The following SPRYD3 variants were observed in gnomAD, a reference collection of about 807,000 sequenced individuals.
The protein encoded by SPRYD3 is SPRY domain-containing protein 3.
A neutral mutation model predicts 50.1 loss-of-function variants in SPRYD3; 17 were observed. That is an observed-to-expected ratio of 0.34 (90% CI 0.23 to 0.51). The LOEUF is 0.51. Among genes scored for constraint, SPRYD3 ranks in the 20% least tolerant of loss-of-function variants. The pLI is 0.97. For synonymous variants in SPRYD3, 198 were observed against 215.5 expected (o/e 0.92, Z 0.71); for missense variants, 401 against 591.2 (o/e 0.68, Z 3.34).
At position 53,068,237 on chromosome 12, in the gene SPRYD3, A is replaced by C; in HGVS notation, c.761T>G (p.Leu254Arg). 2 of 1,614,200 alleles carry C rather than the reference A, an allele frequency of 1.2e-6. No homozygotes were observed. Among genetic ancestry groups the C allele is most frequent in the Non-Finnish European group, 1.7e-6 (2 of 1,180,032 alleles). Residue 254 changes from leucine to arginine, a missense_variant, in exon 7 of 11, where the codon CTC becomes CGC. Transcript: ENST00000301463. ...CTCGAAGTAGTGGCTGCGGGTGCTG[A>C]GTGGGTGCCGGGCCTGGGCCAGCCC... The part of the protein sequence containing the change: ...DVGLAQARHP[L>R]STRSHYFEVE...
rs552967181 is a variant in SPRYD3, at chr12:53,064,964, A to G, written c.*868T>C. Reference sequence around the variant, plus strand: ...GGCAGGAAAAGGGGAGGGAGGGGCCACGCTGCCCCTCTGGGCTTGCTCAGC... The same window carrying G: ...GGCAGGAAAAGGGGAGGGAGGGGCCGCGCTGCCCCTCTGGGCTTGCTCAGC... On this transcript the variant is annotated 3_prime_UTR_variant, in exon 11 of 11. Coordinates refer to ENST00000301463, the MANE Select transcript of SPRYD3 (RefSeq NM_032840.3). 2 of 152,788 alleles carry G rather than the reference A, an allele frequency of 1.3e-5. No individual in the cohort carries two copies. The highest frequency in any genetic ancestry group is 4.1e-4 in the South Asian group (2 of 4,834). The allele number at this position is 152,788 out of a possible 1,614,324, so 9.5% of individuals were successfully genotyped here.
At position 53,065,742 on chromosome 12, in the gene SPRYD3, G is replaced by A; in HGVS notation, c.*90C>T. 7.2e-7 allele frequency: 1 copy of A among 1,394,718 alleles called. No homozygotes were observed. The highest frequency in any genetic ancestry group is 1.3e-5 in the South Asian group (1 of 78,188). The allele number at this position is 1,394,718 out of a possible 1,614,324, so 86.4% of individuals were successfully genotyped here. A position where few individuals can be genotyped will look rare whatever the true frequency, so the allele number is the denominator to read the frequency against. ...GACTACACACCTCCAGGGGCCTGCT[G>A]GGTAAACGAAGCCTCTGGGAAGTCA... On this transcript the variant is annotated 3_prime_UTR_variant, in exon 11 of 11. Coordinates refer to ENST00000301463, the MANE Select transcript of SPRYD3 (RefSeq NM_032840.3).
chr12:53,071,268 T>C (rs1420554950), intron 6 of SPRYD3, among the ~76,000 whole-genome samples: 1 of 152,164 alleles, frequency 6.6e-6, no homozygotes, highest in East Asian at 1.9e-4. Context: ...TTCACCACCC[T>C]GTGTGTACCA....
At chr12:53,066,879 A>G (rs1002999625) in intron 8 of SPRYD3, among the ~76,000 whole-genome samples, 187 bp from the exon 9 acceptor site, 7 of 152,150 alleles carry the variant, frequency 4.6e-5, no homozygotes, top group Non-Finnish European at 7.4e-5. Context: ...TTGGGAGGCC[A>G]AGGAGGGTGG....
At chr12:53,075,607 A>G in intron 3 of SPRYD3, 129 bp downstream of exon 3, 1 of 737,226 alleles carries the variant, frequency 1.4e-6, no homozygotes, top group Non-Finnish European at 2.3e-6. Flanking sequence ...CCTATTTCCC[A>G]GCCAACAGGA....
At chr12:53,073,257 C>CCCCCGGGGGGGGGGGGGGGGGG in intron 6 of SPRYD3, 29 bp downstream of exon 6, 1 of 363,996 alleles carries the variant, frequency 2.7e-6, no homozygotes, top group Non-Finnish European at 5.1e-6. Context: ...TCCGACCCAG[C>CCCCCGGGGGGGGGGGGGGGGGG]CCCTCCCACC....
chr12:53,072,897 C>T (rs1944559576), intron 6 of SPRYD3, among the ~76,000 whole-genome samples: 1 of 152,208 alleles, frequency 6.6e-6, no homozygotes, highest in Non-Finnish European at 1.5e-5. Context: ...ACCACACCTG[C>T]CCCACAACAC....
intron 6 of SPRYD3, among the ~76,000 whole-genome samples, chr12:53,068,928 C>T (rs115410732): frequency 2.1e-3 from 314 of 152,240 alleles, no homozygotes; most frequent in African/African-American, 6.9e-3. Context: ...GGACCCAGAA[C>T]GCCCAGCTCT....
chr12:53,067,623 C>T (rs1944519382), intron 8 of SPRYD3, 25 bp downstream of exon 8: 2 of 1,613,028 alleles, frequency 1.2e-6, no homozygotes, highest in African/African-American at 1.3e-5. Flanking sequence ...ACCATCCCAC[C>T]TTTCCCAGGC....
At chr12:53,066,836 G>T in intron 8 of SPRYD3, 144 bp from the exon 9 acceptor site, 1 of 1,085,188 alleles carries the variant, frequency 9.2e-7, no homozygotes, top group Non-Finnish European at 1.3e-6. Flanking sequence ...AGAGAGGCCG[G>T]GCGCGGTGGC....
intron 6 of SPRYD3, among the ~76,000 whole-genome samples, chr12:53,070,825 T>C (rs1222875636): frequency 2.0e-5 from 3 of 152,224 alleles, no homozygotes; most frequent in Non-Finnish European, 2.9e-5. Context: ...CTCTACCCTA[T>C]GTGTCTCCTC....
In SPRYD3 at chr12:53,068,230, G is replaced by A. The variant is rs745625223; in HGVS notation, c.768C>T (p.Thr256=). 1.9e-6 allele frequency: 3 copies of A among 1,614,224 alleles called. No homozygotes were observed. The highest frequency in any genetic ancestry group is 3.3e-5 in the Admixed American group (2 of 60,030). The part of the protein sequence containing the change: ...GLAQARHPLS[T]RSHYFEVEIV... ...TCTCCACCTCGAAGTAGTGGCTGCG[G>A]GTGCTGAGTGGGTGCCGGGCCTGGG... Residue 256 remains threonine (T), a synonymous_variant, in exon 7 of 11, where the codon ACC becomes ACT. Transcript: ENST00000301463.
At chr12:53,070,683 C>T (rs1944543462) in intron 6 of SPRYD3, among the ~76,000 whole-genome samples, 1 of 152,172 alleles carries the variant, frequency 6.6e-6, no homozygotes, top group African/African-American at 2.4e-5. Flanking sequence ...GCTGCCTCTC[C>T]CTAAATCAGT....
chr12:53,066,437 C>G lies in SPRYD3; in HGVS notation c.1071G>C (p.Arg357=), dbSNP rs775480888. 6.2e-7 allele frequency: 1 copy of G among 1,614,164 alleles called. No homozygotes were observed. Among genetic ancestry groups the G allele is most frequent in the South Asian group, 1.1e-5 (1 of 91,076 alleles). The stretch of plus-strand genomic sequence containing the variant: ...TGACATTCCGCACGTTCCGGACGGC[C>G]CGGGCAGTCGGAGACAGGATCACTG... ...CDTVILSPTA[R]AVRNVRNVMY... The change falls in exon 10 of 11, where the codon CGG becomes CGC. Residue 357 remains arginine, a synonymous_variant. Coordinates refer to ENST00000301463, the MANE Select transcript of SPRYD3 (RefSeq NM_032840.3).
chr12:53,078,035 A>T (rs779989966), intron 1 of SPRYD3: 4 of 436,462 alleles, frequency 9.2e-6, no homozygotes, highest in South Asian at 6.5e-5. Context: ...AAATTAAAAC[A>T]ATGAGCCAGG....
At chr12:53,077,753 C>A in intron 1 of SPRYD3, among the ~76,000 whole-genome samples, 1 of 152,110 alleles carries the variant, frequency 6.6e-6, no homozygotes. Context: ...GCATGGACAG[C>A]TGGTATATAG....
intron 8 of SPRYD3, 92 bp from the exon 9 acceptor site, chr12:53,066,784 C>A (rs986652900): frequency 2.1e-6 from 3 of 1,462,328 alleles, no homozygotes; most frequent in South Asian, 1.3e-5. Context: ...ACTTCCCACC[C>A]CTCAGAGGAA....
chr12:53,072,547 G>A (rs534590662), intron 6 of SPRYD3, among the ~76,000 whole-genome samples: 88 of 152,320 alleles, frequency 5.8e-4, no homozygotes, highest in Admixed American at 3.8e-3. Context: ...CGGACTTGGC[G>A]TCCATTCACT....
Position 53,074,732 on chromosome 12 carries a change from C to T in SPRYD3, c.424G>A (p.Gly142Arg), listed in dbSNP as rs1197494789. 5.6e-6 allele frequency: 9 copies of T among 1,614,280 alleles called. No individual in the cohort carries two copies. Among genetic ancestry groups the T allele is most frequent in the South Asian group, 2.2e-5 (2 of 91,092 alleles). The change falls in exon 5 of 11, where the codon GGG becomes AGG. Residue 142 changes from glycine (G) to arginine (R), a missense_variant. Gly to Arg is a moderately radical substitution (Grantham distance 125, BLOSUM62 -2). Transcript: ENST00000301463. This position sits in a 1 kb window ranked among gnomAD's most constrained non-coding sequence, Gnocchi z 4.6. Reference protein sequence around the residue: ...GRQFGSKCNSGDRIGCGIEPV... With the variant: ...GRQFGSKCNSRDRIGCGIEPV... Reference sequence around the variant, plus strand: ...TCAATGCCACAGCCAATCCGGTCCCCGGAGTTGCACTTTGACCCAAACTGG... The same window carrying T: ...TCAATGCCACAGCCAATCCGGTCCCTGGAGTTGCACTTTGACCCAAACTGG...
Sources: allele counts gnomAD v4.1 joint callset (sites outside exome capture counted in the v4.1 genomes callset), GRCh38; gene constraint gnomAD v4.1.1; non-coding constraint Gnocchi (gnomAD v3.1); transcripts MANE v1.5; gene names NCBI Gene and HGNC (gene_info 2026-07-23, HGNC 2026-07-21).